Variants in ADARB2 observed in about 807,000 individuals in gnomAD.
The protein encoded by ADARB2 is adenosine deaminase RNA specific B2 (inactive), also known as inactive double-stranded RNA-specific editase B2.
ADARB2 carries 25 observed loss-of-function variants against 62.2 expected under a neutral mutation model. The ratio of observed to expected loss-of-function variants is 0.40; its 90% confidence interval spans 0.29 to 0.56. The LOEUF (loss-of-function observed/expected upper bound fraction) is 0.56. Ranked by LOEUF, ADARB2 falls within the 20% of genes least tolerant of loss-of-function variation. The pLI, the probability that ADARB2 is intolerant of heterozygous loss-of-function variation, is 0.43. For missense variants in ADARB2, 1,071 were observed against 1,077.4 expected (o/e 0.99, Z 0.08); for synonymous variants, 572 against 500.8 (o/e 1.14, Z -1.90).
intron 1 of ADARB2, among the ~76,000 whole-genome samples, chr10:1,600,310 C>A (rs1833393469): frequency 6.6e-6 from 1 of 151,574 alleles, no homozygotes. Context: ...AAACTGCTGG[C>A]CTTCATTGCC....
chr10:1,399,533 G>T (rs186743388), intron 1 of ADARB2, among the ~76,000 whole-genome samples: 1 of 152,146 alleles, frequency 6.6e-6, no homozygotes, highest in African/African-American at 2.4e-5. Flanking sequence ...TCCCCGGCCT[G>T]GTGCCTGGGG....
At chr10:1,528,906 A>T (rs1160493928) in intron 1 of ADARB2, among the ~76,000 whole-genome samples, 1 of 151,938 alleles carries the variant, frequency 6.6e-6, no homozygotes, top group Non-Finnish European at 1.5e-5. Context: ...TCCAGACTGG[A>T]CTCGTCCTGC....
intron 3 of ADARB2, among the ~76,000 whole-genome samples, chr10:1,326,422 T>C (rs1831846748): frequency 6.6e-6 from 1 of 152,194 alleles, no homozygotes; most frequent in South Asian, 2.1e-4. Context: ...AGAAGGGTGA[T>C]CTGGCAGGAA....
chr10:1,404,988 C>G (rs528372527), intron 1 of ADARB2, among the ~76,000 whole-genome samples: 1 of 152,194 alleles, frequency 6.6e-6, no homozygotes, highest in Non-Finnish European at 1.5e-5. Context: ...AATCTCAGGT[C>G]GATGCCTCCT....
chr10:1,651,805 A>G (rs1834114406), intron 1 of ADARB2, among the ~76,000 whole-genome samples: 1 of 149,772 alleles, frequency 6.7e-6, no homozygotes, highest in African/African-American at 2.5e-5. Flanking sequence ...CGTGAAGGTG[A>G]CCATCACACA....
intron 1 of ADARB2, among the ~76,000 whole-genome samples, chr10:1,406,030 C>T (rs1181989580): frequency 6.6e-6 from 1 of 152,226 alleles, no homozygotes; most frequent in African/African-American, 2.4e-5. Context: ...AAACCCTTCG[C>T]CAAGATACAC....
At chr10:1,306,368 C>T (rs573970290) in intron 3 of ADARB2, among the ~76,000 whole-genome samples, 1 of 151,858 alleles carries the variant, frequency 6.6e-6, no homozygotes, top group East Asian at 1.9e-4. Flanking sequence ...TGAAGGACCT[C>T]TTCAAGGAGA....
chr10:1,286,791 C>T (rs932284600), intron 3 of ADARB2, among the ~76,000 whole-genome samples: 10 of 152,174 alleles, frequency 6.6e-5, no homozygotes, highest in African/African-American at 1.2e-4. Flanking sequence ...TCCGTAGGAA[C>T]AGTGCTGGTG....
At chr10:1,359,565 G>C (rs1832230344) in intron 3 of ADARB2, among the ~76,000 whole-genome samples, 1 of 152,188 alleles carries the variant, frequency 6.6e-6, no homozygotes, top group Non-Finnish European at 1.5e-5. Context: ...TACCACTGGA[G>C]GGTGGCTTCA....
chr10:1,340,211 G>A (rs55666103), intron 3 of ADARB2, among the ~76,000 whole-genome samples: 62 of 106,206 alleles, frequency 5.8e-4, no homozygotes, highest in African/African-American at 9.6e-4. Context: ...AGAGAACCAC[G>A]CGCCCCACAG....
chr10:1,552,016 G>A (rs1170926006), intron 1 of ADARB2, among the ~76,000 whole-genome samples: 2 of 151,604 alleles, frequency 1.3e-5, no homozygotes, highest in African/African-American at 4.8e-5. Context: ...GTGGCCTCCT[G>A]CGTGGAGGCC....
rs74855535 is a variant in ADARB2, at chr10:1,567,437, A to G, written c.100+169614T>C. Among the ~76,000 whole-genome samples, 656 of 152,238 alleles carry G rather than the reference A, an allele frequency of 4.3e-3. 6 individuals are homozygous for G. The highest frequency in any genetic ancestry group is 8.4e-3 in the Non-Finnish European group (571 of 67,998). On this transcript the variant is annotated intron_variant, in intron 1 of 9. Coordinates refer to ENST00000381312, the MANE Select transcript of ADARB2 (RefSeq NM_018702.4). ...GGTCTCTGCACCTTGCCCAAGGTTCACATCCCAGGTCTGTCCCTCCCACTC... is the reference window on the plus strand; with the variant it reads ...GGTCTCTGCACCTTGCCCAAGGTTCGCATCCCAGGTCTGTCCCTCCCACTC...
At chr10:1,417,697 T>G (rs1468342967) in intron 1 of ADARB2, among the ~76,000 whole-genome samples, 2 of 152,186 alleles carry the variant, frequency 1.3e-5, no homozygotes, top group Admixed American at 1.3e-4. Flanking sequence ...TCCTGTGCTA[T>G]GGGCCGGCGT....
chr10:1,732,621 C>T (rs768673430), intron 1 of ADARB2, among the ~76,000 whole-genome samples: 1 of 152,166 alleles, frequency 6.6e-6, no homozygotes, highest in Non-Finnish European at 1.5e-5. Flanking sequence ...TCAGTAAATC[C>T]AGCCCTTCCT....
chr10:1,487,564 G>T (rs80207564), intron 1 of ADARB2, among the ~76,000 whole-genome samples: 3,827 of 152,264 alleles, frequency 0.025, 176 homozygotes, highest in African/African-American at 0.086. Context: ...TGGGCCAAGG[G>T]TTAGGTGGGG....
intron 6 of ADARB2, among the ~76,000 whole-genome samples, chr10:1,220,145 T>C (rs1830675169): frequency 1.4e-5 from 2 of 145,226 alleles, no homozygotes; most frequent in Admixed American, 6.8e-5. Flanking sequence ...ATGATGGCAA[T>C]GGTGATGATG....
At chr10:1,545,697 G>T (rs923850932) in intron 1 of ADARB2, among the ~76,000 whole-genome samples, 1 of 152,172 alleles carries the variant, frequency 6.6e-6, no homozygotes, top group Non-Finnish European at 1.5e-5. Flanking sequence ...TGGCAAAGGG[G>T]CCTATGGTGA....
At chr10:1,538,249 AG>A (rs1832359110) in intron 1 of ADARB2, among the ~76,000 whole-genome samples, 1 of 152,142 alleles carries the variant, frequency 6.6e-6, no homozygotes, top group Admixed American at 6.5e-5. Flanking sequence ...CTGTGGCTGC[AG>A]GGGTCGCAGA....
At chr10:1,647,854 GTGTA>G (rs1301341083) in intron 1 of ADARB2, among the ~76,000 whole-genome samples, 1 of 151,926 alleles carries the variant, frequency 6.6e-6, no homozygotes, top group Non-Finnish European at 1.5e-5. Flanking sequence ...GTGTGTATAT[GTGTA>G]TGTGTGTGTA....
Sources: allele counts gnomAD v4.1 joint callset (sites outside exome capture counted in the v4.1 genomes callset), GRCh38; gene constraint gnomAD v4.1.1; transcripts MANE v1.5; gene names NCBI Gene and HGNC (gene_info 2026-07-23, HGNC 2026-07-21).